Variants in RUNX1T1 observed in about 807,000 individuals in gnomAD.
RUNX1T1 encodes the protein protein CBFA2T1.
Under a neutral mutation model 62.8 loss-of-function variants are expected in RUNX1T1, and 4 were observed. That is an observed-to-expected ratio of 0.06 (90% CI 0.03 to 0.15). The LOEUF (loss-of-function observed/expected upper bound fraction) is 0.15, where lower values mean the gene tolerates loss of function less well. RUNX1T1 is among the 10% of genes least tolerant of loss of function. The pLI is 1.00. For missense variants in RUNX1T1, 508 were observed against 754.3 expected (o/e 0.67, Z 3.82); for synonymous variants, 291 against 286.0 (o/e 1.02, Z -0.18).
At chr8:92,039,700 G>A (rs896214963) in intron 1 of RUNX1T1, among the ~76,000 whole-genome samples, 2 of 152,084 alleles carry the variant, frequency 1.3e-5, no homozygotes, top group African/African-American at 4.8e-5. Context: ...GTCTTCTCTC[G>A]ATGTATTATT....
chr8:91,986,494 G>A (rs1429589060), intron 7 of RUNX1T1, among the ~76,000 whole-genome samples, 169 bp from the exon 9 acceptor site: 1 of 152,126 alleles, frequency 6.6e-6, no homozygotes, highest in Non-Finnish European at 1.5e-5. Flanking sequence ...GCCAATAGAT[G>A]GAAAATTCAA....
At chr8:92,050,245 T>C (rs1830030336) in intron 1 of RUNX1T1, among the ~76,000 whole-genome samples, 2 of 152,280 alleles carry the variant, frequency 1.3e-5, no homozygotes, top group Admixed American at 6.5e-5. Flanking sequence ...TCCTTGAGTA[T>C]TTTTTCTTAA....
intron 1 of RUNX1T1, among the ~76,000 whole-genome samples, chr8:92,060,551 ATATGTGTGTGTG>A (rs1296471929): frequency 7.3e-5 from 7 of 95,328 alleles, no homozygotes; most frequent in Non-Finnish European, 1.1e-4. Flanking sequence ...ATATATATAT[ATATGTGTGTGTG>A]TGTGTGTGTG....
chr8:92,023,885 A>AT (rs1409893346), intron 1 of RUNX1T1, among the ~76,000 whole-genome samples: 1 of 152,210 alleles, frequency 6.6e-6, no homozygotes. Flanking sequence ...GATAGGCAGT[A>AT]TCAGTCCTTC....
chr8:91,973,057 T>C (rs1813185432), intron 9 of RUNX1T1, among the ~76,000 whole-genome samples: 1 of 152,020 alleles, frequency 6.6e-6, no homozygotes, highest in Non-Finnish European at 1.5e-5. Context: ...TATTGTGTTA[T>C]TGGGGGCAAT....
chr8:92,100,143 T>C (rs914082108), upstream of RUNX1T1, among the ~76,000 whole-genome samples: 1 of 152,198 alleles, frequency 6.6e-6, no homozygotes, highest in African/African-American at 2.4e-5. Context: ...CATAGAATGA[T>C]TTTTATTAGA....
At chr8:92,019,934 T>C (rs1315495496) in intron 1 of RUNX1T1, among the ~76,000 whole-genome samples, 1 of 152,210 alleles carries the variant, frequency 6.6e-6, no homozygotes, top group Non-Finnish European at 1.5e-5. Flanking sequence ...AGACAATGTA[T>C]AGGAAACACC....
chr8:92,026,324 C>A (rs1825137446), intron 1 of RUNX1T1, among the ~76,000 whole-genome samples: 1 of 152,182 alleles, frequency 6.6e-6, no homozygotes, highest in Non-Finnish European at 1.5e-5. Flanking sequence ...TGAAAAGGTA[C>A]TATAAATTTG....
intron 8 of RUNX1T1, among the ~76,000 whole-genome samples, chr8:91,983,031 G>A (rs1267354053): frequency 6.9e-6 from 1 of 145,336 alleles, no homozygotes; most frequent in Non-Finnish European, 1.5e-5. Context: ...AGGTTCAGGT[G>A]ACTCTCCTGC....
chr8:91,976,142 G>T (rs955778373), intron 8 of RUNX1T1, 169 bp from the exon 10 acceptor site: 1 of 562,246 alleles, frequency 1.8e-6, no homozygotes, highest in African/African-American at 1.9e-5. Flanking sequence ...AAAATAGCAA[G>T]GCCTGTCATC....
At chr8:92,021,543 C>A (rs555562946) in intron 1 of RUNX1T1, among the ~76,000 whole-genome samples, 1 of 152,274 alleles carries the variant, frequency 6.6e-6, no homozygotes, top group Admixed American at 6.5e-5. Flanking sequence ...CAGTGGGATA[C>A]TTGGCATAAC....
chr8:92,032,281 AAAGT>A (rs1285397133), intron 1 of RUNX1T1, among the ~76,000 whole-genome samples: 3 of 152,068 alleles, frequency 2.0e-5, no homozygotes, highest in African/African-American at 7.2e-5. Flanking sequence ...AGAAAAAGAC[AAAGT>A]AATTCAATAA....
chr8:92,023,403 A>G (rs958237263), intron 1 of RUNX1T1, among the ~76,000 whole-genome samples: 1 of 152,184 alleles, frequency 6.6e-6, no homozygotes. Context: ...AGTGACCACA[A>G]ATACAATCAC....
chr8:92,040,818 T>G (rs1202768830), intron 1 of RUNX1T1, among the ~76,000 whole-genome samples: 1 of 152,162 alleles, frequency 6.6e-6, no homozygotes, highest in Non-Finnish European at 1.5e-5. Flanking sequence ...GGCAGGAGGA[T>G]CACTTGTGCC....
chr8:91,968,012 C>T (rs1272066539), intron 10 of RUNX1T1, among the ~76,000 whole-genome samples: 3 of 152,086 alleles, frequency 2.0e-5, no homozygotes, highest in Non-Finnish European at 2.9e-5. Flanking sequence ...ATCTTTTAAA[C>T]AACCTTGTAA....
intron 6 of RUNX1T1, among the ~76,000 whole-genome samples, chr8:91,989,526 G>A (rs1028610430): frequency 3.3e-5 from 5 of 152,166 alleles, no homozygotes; most frequent in African/African-American, 1.2e-4. Context: ...TATATTACTT[G>A]ATGAAAACAT....
Position 91,970,040 on chromosome 8 carries a change from GTGT to G in RUNX1T1, c.1458+615_1458+617del, listed in dbSNP as rs751134530. ...TAGCTGTGTGTGTGTGTGTGTGTGT[GTGT>G]TGTGTGTGTGTGTGTGAGAATTATT... is the stretch of plus-strand genomic sequence containing the variant. On this transcript the variant is annotated intron_variant, in intron 10 of 10. Coordinates refer to ENST00000396218, the Ensembl canonical transcript of RUNX1T1. 6.4e-3 allele frequency among the ~76,000 whole-genome samples: 360 copies of G among 56,550 alleles called. 3 individuals carry two copies. Among genetic ancestry groups the G allele is most frequent in the East Asian group, 0.036 (5 of 138 alleles). 37.1% of individuals were successfully genotyped at this position (56,550 alleles called of 152,430 possible). A position where few individuals can be genotyped will look rare whatever the true frequency, so the allele number is the denominator to read the frequency against.
At chr8:92,006,020 C>T (rs1820702847) in intron 4 of RUNX1T1, 1 of 112,572 alleles carries the variant, frequency 8.9e-6, no homozygotes, top group African/African-American at 4.2e-5. Context: ...ACACATATTT[C>T]TTCTAATGTT....
intron 1 of RUNX1T1, among the ~76,000 whole-genome samples, chr8:92,099,415 A>G (rs1837938849): frequency 6.6e-6 from 1 of 152,220 alleles, no homozygotes; most frequent in Non-Finnish European, 1.5e-5. Context: ...TCCATTCCAT[A>G]ATAAATAACT....
Sources: gnomAD v4.1 joint callset for allele counts (sites outside exome capture counted in the v4.1 genomes callset) on GRCh38, gnomAD v4.1.1 for gene constraint, MANE v1.5 for transcripts, NCBI Gene and HGNC (gene_info 2026-07-23, HGNC 2026-07-21) for gene names.